Variants in BTG4 observed in about 807,000 individuals in gnomAD.
BTG4 encodes the protein BTG anti-proliferation factor 4.
In BTG4, 10 loss-of-function variants were observed where a neutral mutation model predicts 19.3. That is an observed-to-expected ratio of 0.52 (90% CI 0.32 to 0.88). The LOEUF (loss-of-function observed/expected upper bound fraction) is 0.88. Among genes scored for constraint, BTG4 ranks in the 40% least tolerant of loss-of-function variants. BTG4 has a pLI of 0.04. For synonymous variants in BTG4, 91 were observed against 95.7 expected, an observed-to-expected ratio of 0.95 and a Z score of 0.29; for missense variants, 238 against 281.9, an observed-to-expected ratio of 0.84 and a Z score of 1.11.
downstream of BTG4, chr11:111,467,489 C>A: frequency 1.9e-6 from 1 of 518,942 alleles, no homozygotes. Flanking sequence ...GCTGATGCCA[C>A]GTAGCTGAGA....
At chr11:111,491,207 G>C (rs1865393510), downstream of BTG4, among the ~76,000 whole-genome samples, 1 of 152,186 alleles carries the variant, frequency 6.6e-6, no homozygotes. Context: ...TGGTTGCCAA[G>C]GGGTTAAGAA....
intron 5 of BTG4, among the ~76,000 whole-genome samples, chr11:111,489,144 A>AG (rs71303205): frequency 1.2e-5 from 1 of 80,472 alleles, no homozygotes; most frequent in East Asian, 4.1e-4. Context: ...ACTCCATCTC[A>AG]AAAAAAAAAA....
chr11:111,427,864 T>C, the BTG4 span, among the ~76,000 whole-genome samples: 1 of 152,126 alleles, frequency 6.6e-6, no homozygotes, highest in Non-Finnish European at 1.5e-5. Context: ...TCATAGAATA[T>C]GACAATAGAG....
At chr11:111,384,942 T>C in the BTG4 span, 1 of 152,094 alleles carries the variant, frequency 6.6e-6, no homozygotes, top group Non-Finnish European at 1.5e-5. Flanking sequence ...GCTTTCGTTT[T>C]CTAAGGAGAA....
At chr11:111,450,605 A>G in the BTG4 span, 1 of 152,290 alleles carries the variant, frequency 6.6e-6, no homozygotes, top group African/African-American at 2.4e-5. Flanking sequence ...TGAGAACTGC[A>G]TGCAAATTCT....
chr11:111,511,356 T>C (rs546050121), intron 1 of BTG4, among the ~76,000 whole-genome samples: 31 of 152,238 alleles, frequency 2.0e-4, no homozygotes, highest in Non-Finnish European at 4.1e-4. Flanking sequence ...GGCAGTTCTT[T>C]AGTTGTTTTA....
At chr11:111,509,193 T>A (rs551390575) in intron 1 of BTG4, among the ~76,000 whole-genome samples, 4,488 of 152,312 alleles carry the variant, frequency 0.029, 99 homozygotes, top group Middle Eastern at 0.079. Context: ...CAGTTCATTT[T>A]AGCTCAAAAG....
chr11:111,393,856 G>A, the BTG4 span, among the ~76,000 whole-genome samples: 1 of 152,210 alleles, frequency 6.6e-6, no homozygotes, highest in African/African-American at 2.4e-5. Flanking sequence ...AACTGGTACT[G>A]TCTAAAAAAC....
the BTG4 span, chr11:111,462,436 G>A: frequency 0.074 from 11,260 of 152,394 alleles, 574 homozygotes; most frequent in Non-Finnish European, 0.11. Context: ...CTCTCAAGGT[G>A]GGAAAGCATC....
At chr11:111,400,933 C>T in the BTG4 span, 1 of 151,890 alleles carries the variant, frequency 6.6e-6, no homozygotes, top group Non-Finnish European at 1.5e-5. Context: ...AAATACCTTA[C>T]CAGTACTCTT....
chr11:111,506,121 T>G (rs765173590), intron 1 of BTG4, among the ~76,000 whole-genome samples: 1 of 152,164 alleles, frequency 6.6e-6, no homozygotes, highest in Non-Finnish European at 1.5e-5. Flanking sequence ...ATCCCACTAC[T>G]GGGTATCTAC....
downstream of BTG4, among the ~76,000 whole-genome samples, chr11:111,464,066 C>T (rs1255072140): frequency 1.3e-5 from 2 of 152,146 alleles, no homozygotes; most frequent in Admixed American, 1.3e-4. Context: ...GTGCAATCTC[C>T]ACTCACTGCA....
At chr11:111,452,845 G>A in the BTG4 span, among the ~76,000 whole-genome samples, 76 of 152,318 alleles carry the variant, frequency 5.0e-4, no homozygotes, top group Non-Finnish European at 9.7e-4. Flanking sequence ...AGACTTTCCG[G>A]AAGAGTTGAT....
chr11:111,492,015 G>C (rs1264608653), downstream of BTG4, among the ~76,000 whole-genome samples: 1 of 152,258 alleles, frequency 6.6e-6, no homozygotes, highest in South Asian at 2.1e-4. Context: ...TATGCTCATG[G>C]ATGGCTGCCT....
intron 5 of BTG4, among the ~76,000 whole-genome samples, chr11:111,489,054 A>G (rs200610613): frequency 1.3e-5 from 2 of 151,878 alleles, no homozygotes; most frequent in East Asian, 3.9e-4. Context: ...CTGAAGCAGG[A>G]AATCACTTGA....
intron 5 of BTG4, among the ~76,000 whole-genome samples, chr11:111,473,775 T>C (rs1040349613): frequency 1.3e-5 from 2 of 152,188 alleles, no homozygotes; most frequent in African/African-American, 2.4e-5. Context: ...ATATTAATCC[T>C]AGAGAGAAGG....
intron 1 of BTG4, among the ~76,000 whole-genome samples, chr11:111,505,130 A>G (rs761336390): frequency 3.2e-4 from 49 of 152,152 alleles, no homozygotes; most frequent in Non-Finnish European, 6.2e-4. Flanking sequence ...TAAAGTTCAT[A>G]GGGAACCAAA....
Position 111,488,894 on chromosome 11 carries a change from C to T in BTG4, c.662+6269G>A, listed in dbSNP as rs543008350. Among the ~76,000 whole-genome samples the T allele has an allele frequency of 4.6e-5, 7 of 152,084 alleles. No individual in the cohort carries two copies. In the South Asian group the frequency reaches 1.3e-3, roughly 27 times the overall value. On this transcript the variant is annotated intron_variant, in intron 5 of 5. Transcript: ENST00000356018. The stretch of plus-strand genomic sequence containing the variant: ...GCCACGGTGGCTCAAGACTGTAATC[C>T]CAGCACTTTGGGAGGCTGAGGTGGG...
At chr11:111,484,982 T>C (rs1306370731) in intron 5 of BTG4, among the ~76,000 whole-genome samples, 1 of 152,072 alleles carries the variant, frequency 6.6e-6, no homozygotes, top group African/African-American at 2.4e-5. Context: ...TCAGATAAAA[T>C]AGATTTCAAG....
Sources: allele counts gnomAD v4.1 joint callset (sites outside exome capture counted in the v4.1 genomes callset), GRCh38; gene constraint gnomAD v4.1.1; transcripts MANE v1.5; gene names NCBI Gene and HGNC (gene_info 2026-07-23, HGNC 2026-07-21).